SPATA31D1: variants seen among roughly 807,000 people sequenced by gnomAD.
SPATA31D1 encodes SPATA31 subfamily D member 1, also known as spermatogenesis-associated protein 31D1.
SPATA31D1 carries 6 observed loss-of-function variants against 13.2 expected under a neutral mutation model. The observed-to-expected ratio is 0.46, with a 90% confidence interval of 0.25 to 0.90. The LOEUF (loss-of-function observed/expected upper bound fraction) is 0.90. Ranked by LOEUF, SPATA31D1 falls within the 40% of genes least tolerant of loss-of-function variation. The pLI is 0.18. For synonymous variants in SPATA31D1, 903 were observed against 718.8 expected (o/e 1.26, Z -4.10); for missense variants, 2,445 against 1,884.7 (o/e 1.30, Z -5.50).
rs199963684 is a variant in SPATA31D1 at position 81,993,817 on chromosome 9, C to G, written c.3347C>G (p.Pro1116Arg). ...GCCAGTAGATGCAGCGCAGAGCTGC[C>G]CATAATGCAAGCTGGAGCTGGCTGT... ...VLASRCSAELPIMQAGAGCES... is the reference protein window; with the variant it reads ...VLASRCSAELRIMQAGAGCES... Residue 1116 changes from proline to arginine, a missense_variant, in exon 4 of 4, where the codon CCC becomes CGC. By Grantham distance (103) the Pro-to-Arg change is moderately radical. Transcript: ENST00000344803. The G allele has an allele frequency of 6.2e-7, 1 of 1,613,894 alleles. No homozygotes were observed. The highest frequency in any genetic ancestry group is 2.2e-5 in the East Asian group (1 of 44,858).
Position 81,993,273 on chromosome 9 carries a change from C to G in SPATA31D1, c.2803C>G (p.Leu935Val). 1 of 1,613,976 alleles carries G rather than the reference C, an allele frequency of 6.2e-7. No individual in the cohort carries two copies. The highest frequency in any genetic ancestry group is 8.5e-7 in the Non-Finnish European group (1 of 1,179,886). The change falls in exon 4 of 4, where the codon CTT (leucine) becomes GTT (valine). Residue 935 changes from leucine to valine, a missense_variant. By Grantham distance (32) the Leu-to-Val change is conservative (BLOSUM62 1). Coordinates refer to ENST00000344803, the MANE Select transcript of SPATA31D1 (RefSeq NM_001001670.3). The part of the protein sequence containing the change: ...SIEIFKSKAD[L>V]STSFSHFDLP... The stretch of plus-strand genomic sequence containing the variant: ...AGAAATCTTCAAATCGAAAGCGGAC[C>G]TTTCCACTTCCTTTTCCCATTTCGA...
upstream of SPATA31D1, chr9:81,988,684 C>A (rs1445883692): frequency 2.8e-6 from 4 of 1,417,624 alleles, no homozygotes; most frequent in Admixed American, 4.2e-5. Context: ...GTGGACACAC[C>A]CTCCTCTTGT....
rs766153405 is a variant in SPATA31D1, at chr9:81,993,199, T to G, written c.2729T>G (p.Phe910Cys). 3 of 1,613,876 alleles carry G rather than the reference T, an allele frequency of 1.9e-6. No individual in the cohort carries two copies. The highest frequency in any genetic ancestry group is 2.2e-5 in the South Asian group (2 of 91,084). The change falls in exon 4 of 4, where the codon TTC (phenylalanine) becomes TGC (cysteine). Residue 910 changes from phenylalanine (F) to cysteine (C), a missense_variant. Transcript: ENST00000344803. ...QKMLEAHIKT[F>C]RMRMLWGLPL... is the part of the protein sequence containing the mutation. ...ATGTTGGAAGCCCATATTAAAACTTTCCGTATGAGGATGCTGTGGGGCCTT... is the reference window on the plus strand; with the variant it reads ...ATGTTGGAAGCCCATATTAAAACTTGCCGTATGAGGATGCTGTGGGGCCTT...
chr9:81,992,508 A>G lies in SPATA31D1; in HGVS notation c.2038A>G (p.Ser680Gly), dbSNP rs1390067700. 5 of 1,611,874 alleles carry G rather than the reference A, an allele frequency of 3.1e-6. No homozygotes were observed. Among genetic ancestry groups the G allele is most frequent in the Non-Finnish European group, 4.2e-6 (5 of 1,179,736 alleles). ...ISIIPGDFPLSSEVRKKLEQH... is the reference protein window; with the variant it reads ...ISIIPGDFPLGSEVRKKLEQH... ...CATCATTCCTGGAGATTTTCCACTC[A>G]GCTCTGAGGTAAGGAAGAAACTAGA... Residue 680 changes from serine (S) to glycine (G), a missense_variant, in exon 4 of 4, where the codon AGC (serine) becomes GGC (glycine). Coordinates refer to ENST00000344803, the MANE Select transcript of SPATA31D1 (RefSeq NM_001001670.3).
chr9:81,990,720 C>T, intron 3 of SPATA31D1, 53 bp from the exon 4 acceptor site: 3 of 1,550,384 alleles, frequency 1.9e-6, no homozygotes, highest in South Asian at 2.4e-5. Context: ...TTTAGGGAAC[C>T]CACCCCTGCC....
rs1005220728 is a variant in SPATA31D1, at chr9:81,991,991, C to G, written c.1521C>G (p.Leu507=). 26 of 1,613,640 alleles carry G rather than the reference C, an allele frequency of 1.6e-5. No individual in the cohort carries two copies. Among genetic ancestry groups the G allele is most frequent in the Non-Finnish European group, 2.0e-5 (24 of 1,179,716 alleles). The change falls in exon 4 of 4, where the codon CTC becomes CTG. Residue 507 remains leucine (L), a synonymous_variant. Coordinates refer to ENST00000344803, the MANE Select transcript of SPATA31D1 (RefSeq NM_001001670.3). The part of the protein sequence containing the change: ...EQKYVQLFWG[L]PSLHSESLHP... Reference sequence around the variant, plus strand: ...AATATGTCCAGCTCTTCTGGGGTCTCCCATCTTTGCACAGCGAGTCTCTGC... The same window carrying G: ...AATATGTCCAGCTCTTCTGGGGTCTGCCATCTTTGCACAGCGAGTCTCTGC...
Position 81,990,980 on chromosome 9 carries a change from C to A in SPATA31D1, c.510C>A (p.Phe170Leu), listed in dbSNP as rs779240995. 1 of 1,613,798 alleles carries A rather than the reference C, an allele frequency of 6.2e-7. No homozygotes were observed. Among genetic ancestry groups the A allele is most frequent in the South Asian group, 1.1e-5 (1 of 91,072 alleles). The change falls in exon 4 of 4, where the codon TTC becomes TTA. Residue 170 changes from phenylalanine to leucine, a missense_variant. Coordinates refer to ENST00000344803, the MANE Select transcript of SPATA31D1 (RefSeq NM_001001670.3). Reference protein sequence around the residue: ...ASSASATESSFTLASTPSATP... With the variant: ...ASSASATESSLTLASTPSATP... ...CGGCTTCTGCGACTGAGTCATCGTTCACTCTGGCTTCCACCCCCTCAGCAA... is the reference window on the plus strand; with the variant it reads ...CGGCTTCTGCGACTGAGTCATCGTTAACTCTGGCTTCCACCCCCTCAGCAA...
rs1825047919 is a variant in SPATA31D1, at chr9:81,994,288, G to A, written c.3818G>A (p.Arg1273Lys). ...CGTGTGGCACAGAAGCAGGAGCCCA[G>A]GGTCCCTACCTGTGTCTTACAGAAG... The part of the protein sequence containing the change: ...GIRVAQKQEP[R>K]VPTCVLQKCQ... The change falls in exon 4 of 4, where the codon AGG becomes AAG. Residue 1273 changes from arginine (R) to lysine (K), a missense_variant. By Grantham distance (26) the Arg-to-Lys change is conservative (BLOSUM62 2). Transcript: ENST00000344803. 3 of 1,613,994 alleles carry A rather than the reference G, an allele frequency of 1.9e-6. No individual in the cohort carries two copies. Among genetic ancestry groups the A allele is most frequent in the Non-Finnish European group, 2.5e-6 (3 of 1,179,888 alleles).
In SPATA31D1 at chr9:81,994,649, A is replaced by T. The variant is rs1202135560; in HGVS notation, c.4179A>T (p.Arg1393Ser). ...SCVQNIGRVI[R>S]AAFTGTTEAQ... ...TGCAGAATATTGGTCGAGTTATAAG[A>T]GCTGCCTTTACTGGGACTACTGAAG... The change falls in exon 4 of 4, where the codon AGA becomes AGT. Residue 1393 changes from arginine to serine, a missense_variant. Coordinates refer to ENST00000344803, the MANE Select transcript of SPATA31D1 (RefSeq NM_001001670.3). The T allele has an allele frequency of 1.9e-6, 3 of 1,613,470 alleles. No homozygotes were observed. The highest frequency in any genetic ancestry group is 1.6e-4 in the Middle Eastern group (1 of 6,062).
rs1245062866 is a variant in SPATA31D1, at chr9:81,994,609, C to T, written c.4139C>T (p.Ser1380Phe). 3.1e-6 allele frequency: 5 copies of T among 1,612,996 alleles called. No homozygotes were observed. Among genetic ancestry groups the T allele is most frequent in the South Asian group, 1.1e-5 (1 of 90,834 alleles). ...EQESSWEKGS[S>F]LSSCVQNIGR... is the part of the protein sequence containing the mutation. ...GAAAGTTCCTGGGAAAAGGGTAGCT[C>T]CCTGTCATCATGTGTGCAGAATATT... The change falls in exon 4 of 4, where the codon TCC (serine) becomes TTC (phenylalanine). Residue 1380 changes from serine (S) to phenylalanine (F), a missense_variant. Transcript: ENST00000344803.
Position 81,991,251 on chromosome 9 carries a change from C to A in SPATA31D1, c.781C>A (p.Gln261Lys). 1.2e-6 allele frequency: 2 copies of A among 1,614,028 alleles called. No individual in the cohort carries two copies. The highest frequency in any genetic ancestry group is 1.7e-6 in the Non-Finnish European group (2 of 1,179,890). Reference sequence around the variant, plus strand: ...CATTGAGAGAGTGGAGTCCAGCCTCCAACCTGAAGCCAGTTTGTCTCTGAA... The same window carrying A: ...CATTGAGAGAGTGGAGTCCAGCCTCAAACCTGAAGCCAGTTTGTCTCTGAA... ...HHIERVESSL[Q>K]PEASLSLNTI... The change falls in exon 4 of 4, where the codon CAA becomes AAA. Residue 261 changes from glutamine (Q) to lysine (K), a missense_variant. By Grantham distance (53) the Gln-to-Lys change is moderately conservative (BLOSUM62 1). Transcript: ENST00000344803.
Position 81,992,658 on chromosome 9 carries a change from G to C in SPATA31D1, c.2188G>C (p.Gly730Arg), listed in dbSNP as rs368257035. Residue 730 changes from glycine (G) to arginine (R), a missense_variant, in exon 4 of 4, where the codon GGA (glycine) becomes CGA (arginine). By Grantham distance (125) the Gly-to-Arg change is moderately radical. Coordinates refer to ENST00000344803, the MANE Select transcript of SPATA31D1 (RefSeq NM_001001670.3). ...SELSVSERIH[G>R]PLNISLVEGQ... Reference sequence around the variant, plus strand: ...GCTATCTGTGTCAGAGAGAATTCATGGACCGTTAAATATCTCTTTGGTTGA... The same window carrying C: ...GCTATCTGTGTCAGAGAGAATTCATCGACCGTTAAATATCTCTTTGGTTGA... The C allele has an allele frequency of 3.8e-5, 62 of 1,613,710 alleles. No individual in the cohort carries two copies. Among genetic ancestry groups the C allele is most frequent in the Non-Finnish European group, 4.8e-5 (57 of 1,179,744 alleles).
chr9:81,990,209 T>C (rs533602118), intron 2 of SPATA31D1: 1 of 539,022 alleles, frequency 1.9e-6, no homozygotes, highest in African/African-American at 1.9e-5. Context: ...CGTGGTGGTT[T>C]TGAGCATCAC....
At chr9:81,989,050 T>A (rs757082143) in intron 1 of SPATA31D1, 46 bp downstream of exon 1, 1 of 1,600,108 alleles carries the variant, frequency 6.2e-7, no homozygotes, top group Admixed American at 1.7e-5. Context: ...CCTGTTGTTG[T>A]TTCCCAATCC....
chr9:81,991,312 A>T lies in SPATA31D1; in HGVS notation c.842A>T (p.Asp281Val). 6.2e-7 allele frequency: 1 copy of T among 1,614,012 alleles called. No homozygotes were observed. Among genetic ancestry groups the T allele is most frequent in the Non-Finnish European group, 8.5e-7 (1 of 1,179,898 alleles). ...IFSFGSTLCQDISQAMNPIDS... is the reference protein window; with the variant it reads ...IFSFGSTLCQVISQAMNPIDS... ...TCATTTGGCTCCACCCTATGCCAAGATATTTCGCAGGCCATGAATCCCATT... is the reference window on the plus strand; with the variant it reads ...TCATTTGGCTCCACCCTATGCCAAGTTATTTCGCAGGCCATGAATCCCATT... Residue 281 changes from aspartate (D) to valine (V), a missense_variant, in exon 4 of 4, where the codon GAT (aspartate) becomes GTT (valine). By Grantham distance (152) the Asp-to-Val change is radical. Transcript: ENST00000344803.
Position 81,993,995 on chromosome 9 carries a change from A to C in SPATA31D1, c.3525A>C (p.Lys1175Asn). ...KSGSCSLTNV[K>N]ASTSNETEIF... ...GAAGCTGCTCACTGACAAATGTGAA[A>C]GCAAGCACTTCCAATGAAACTGAAA... The change falls in exon 4 of 4, where the codon AAA becomes AAC. Residue 1175 changes from lysine (K) to asparagine (N), a missense_variant. Lys to Asn is a moderately conservative substitution (Grantham distance 94). Coordinates refer to ENST00000344803, the MANE Select transcript of SPATA31D1 (RefSeq NM_001001670.3). 1.2e-6 allele frequency: 2 copies of C among 1,613,876 alleles called. No homozygotes were observed. Among genetic ancestry groups the C allele is most frequent in the Non-Finnish European group, 1.7e-6 (2 of 1,179,774 alleles).
Position 81,990,808 on chromosome 9 carries a change from A to C in SPATA31D1, c.338A>C (p.Gln113Pro), listed in dbSNP as rs1007670551. The C allele has an allele frequency of 4.3e-6, 7 of 1,613,272 alleles. No individual in the cohort carries two copies. The South Asian group carries it at 6.6e-5, about 15-fold the overall frequency. Residue 113 changes from glutamine to proline, a missense_variant, in exon 4 of 4, where the codon CAG becomes CCG. By Grantham distance (76) the Gln-to-Pro change is moderately conservative. Coordinates refer to ENST00000344803, the MANE Select transcript of SPATA31D1 (RefSeq NM_001001670.3). The stretch of plus-strand genomic sequence containing the variant: ...CCTGTTTCCTGCAGTCCTCGGGGCC[A>C]GCATCATGATACCAACCACTTTCGT... ...GPPVSCSPRG[Q>P]HHDTNHFRRL...
At position 81,990,804 on chromosome 9, in the gene SPATA31D1, G is replaced by A. The variant is rs1824937407; in HGVS notation, c.334G>A (p.Gly112Ser). The A allele has an allele frequency of 6.2e-7, 1 of 1,613,006 alleles. No homozygotes were observed. The highest frequency in any genetic ancestry group is 8.5e-7 in the Non-Finnish European group (1 of 1,179,500). The change falls in exon 4 of 4, where the codon GGC becomes AGC. Residue 112 changes from glycine (G) to serine (S), a missense_variant. Physicochemically the swap from Gly to Ser is moderately conservative, Grantham distance 56 (BLOSUM62 0). Coordinates refer to ENST00000344803, the MANE Select transcript of SPATA31D1 (RefSeq NM_001001670.3). ...FGPPVSCSPR[G>S]QHHDTNHFRR... ...ACCTCCTGTTTCCTGCAGTCCTCGGGGCCAGCATCATGATACCAACCACTT... is the reference window on the plus strand; with the variant it reads ...ACCTCCTGTTTCCTGCAGTCCTCGGAGCCAGCATCATGATACCAACCACTT...
Position 81,991,736 on chromosome 9 carries a change from G to A in SPATA31D1, c.1266G>A (p.Arg422=). The stretch of plus-strand genomic sequence containing the variant: ...TCCTGGAGAGACAAGTCAAAAAAAG[G>A]GGTGATTTCCTGATGTGGAAAGAAA... ...LALLERQVKK[R]GDFLMWKENG... The change falls in exon 4 of 4, where the codon AGG becomes AGA. Residue 422 remains arginine (R), a synonymous_variant. Coordinates refer to ENST00000344803, the MANE Select transcript of SPATA31D1 (RefSeq NM_001001670.3). 6.2e-7 allele frequency: 1 copy of A among 1,613,784 alleles called. No individual in the cohort carries two copies. Among genetic ancestry groups the A allele is most frequent in the African/African-American group, 1.3e-5 (1 of 75,012 alleles).
Sources: gnomAD v4.1 joint callset for allele counts on GRCh38, gnomAD v4.1.1 for gene constraint, MANE v1.5 for transcripts, NCBI Gene and HGNC (gene_info 2026-07-23, HGNC 2026-07-21) for gene names.